The following UVRAG variants were observed in gnomAD, a reference collection of about 807,000 sequenced individuals.
The protein encoded by UVRAG is UV radiation resistance associated, also known as UV radiation resistance-associated gene protein.
Under a neutral mutation model 78.0 loss-of-function variants are expected in UVRAG, and 19 were observed. The observed-to-expected ratio is 0.24, with a 90% confidence interval of 0.17 to 0.36. UVRAG has a LOEUF of 0.36. Ranked by LOEUF, UVRAG falls within the 10% of genes least tolerant of loss-of-function variation. The pLI, the probability that UVRAG is intolerant of heterozygous loss-of-function variation, is 1.00. For missense variants in UVRAG, 740 were observed against 853.8 expected, an observed-to-expected ratio of 0.87 and a Z score of 1.66; for synonymous variants, 323 against 324.6, an observed-to-expected ratio of 1.00 and a Z score of 0.05.
At chr11:76,026,126 T>C (rs1950322589) in intron 12 of UVRAG, among the ~76,000 whole-genome samples, 1 of 152,158 alleles carries the variant, frequency 6.6e-6, no homozygotes, top group South Asian at 2.1e-4. Context: ...GATGGCCTCT[T>C]CTTGAAACAA....
At chr11:76,001,642 A>T (rs1949816907) in intron 8 of UVRAG, among the ~76,000 whole-genome samples, 1 of 152,200 alleles carries the variant, frequency 6.6e-6, no homozygotes, top group Admixed American at 6.5e-5. Flanking sequence ...AGAAATTAAG[A>T]TTATAATGTA....
At chr11:76,053,209 G>A (rs1950902248) in intron 12 of UVRAG, among the ~76,000 whole-genome samples, 1 of 151,684 alleles carries the variant, frequency 6.6e-6, no homozygotes, top group South Asian at 2.1e-4. Flanking sequence ...AGGAGGCTGA[G>A]GCAGGAGAAT....
At chr11:76,100,634 G>T (rs1951863122) in intron 13 of UVRAG, among the ~76,000 whole-genome samples, 1 of 152,056 alleles carries the variant, frequency 6.6e-6, no homozygotes, top group Non-Finnish European at 1.5e-5. Flanking sequence ...AACGTTTAGG[G>T]GTACATGTGC....
chr11:75,974,193 C>T (rs1027811908), intron 7 of UVRAG, among the ~76,000 whole-genome samples: 16 of 152,130 alleles, frequency 1.1e-4, no homozygotes, highest in Non-Finnish European at 1.8e-4. Flanking sequence ...GTTCCTATTT[C>T]TCCACGTCCT....
chr11:75,991,237 C>G (rs1188358230), intron 8 of UVRAG, among the ~76,000 whole-genome samples: 1 of 152,212 alleles, frequency 6.6e-6, no homozygotes, highest in Non-Finnish European at 1.5e-5. Context: ...AAGATTTCAT[C>G]TTCTGTGAAA....
rs137891055 is a variant in UVRAG at position 76,084,329 on chromosome 11, G to A, written c.1305+18541G>A. The stretch of plus-strand genomic sequence containing the variant: ...CTTTCTTATTTATTTCTATAAAGGC[G>A]GTATTAATATCTGAATTTAAGAGTC... On this transcript the variant is annotated intron_variant, in intron 13 of 14. Transcript: ENST00000356136. Among the ~76,000 whole-genome samples, 634 of 152,116 alleles carry A rather than the reference G, an allele frequency of 4.2e-3. 2 individuals are homozygous for A. The highest frequency in any genetic ancestry group is 7.7e-3 in the Admixed American group (118 of 15,288).
intron 6 of UVRAG, among the ~76,000 whole-genome samples, chr11:75,934,519 A>T (rs1948322895): frequency 6.6e-6 from 1 of 152,218 alleles, no homozygotes; most frequent in African/African-American, 2.4e-5. Context: ...GATTGTTTAT[A>T]ACACAAAGGA....
intron 12 of UVRAG, among the ~76,000 whole-genome samples, chr11:76,026,909 A>C (rs1950335453): frequency 6.6e-6 from 1 of 152,094 alleles, no homozygotes. Context: ...AACTTTCCCA[A>C]ATGTCTGTAG....
intron 6 of UVRAG, among the ~76,000 whole-genome samples, chr11:75,936,494 G>T (rs1054811283): frequency 5.9e-5 from 9 of 152,148 alleles, no homozygotes; most frequent in Non-Finnish European, 1.0e-4. Context: ...GTAGACACAT[G>T]GATTCCTGTT....
intron 12 of UVRAG, among the ~76,000 whole-genome samples, chr11:76,051,726 C>T (rs548923776): frequency 6.6e-6 from 1 of 152,176 alleles, no homozygotes; most frequent in African/African-American, 2.4e-5. Context: ...ATGATTTCTC[C>T]TTTAAAAACT....
rs1590990117 is a variant in UVRAG, at chr11:75,897,605, A to G, written c.507+8702A>G. ...AGTGGCATGATCTCGGCTCACTGCA[A>G]CCTCTGCCTCCCAGGTTCAATCGGT... On this transcript the variant is annotated intron_variant, in intron 5 of 14. Coordinates refer to ENST00000356136, the MANE Select transcript of UVRAG (RefSeq NM_003369.4). Among the ~76,000 whole-genome samples the G allele has an allele frequency of 3.3e-5, 5 of 151,870 alleles. No homozygotes were observed. The South Asian group carries it at 1.0e-3, about 32-fold the overall frequency.
chr11:75,979,512 C>A lies in UVRAG; in HGVS notation c.700-3875C>A, dbSNP rs1033231903. The A allele has an allele frequency of 2.6e-5, 4 of 152,624 alleles. No individual in the cohort carries two copies. The East Asian group carries it at 7.7e-4, about 29-fold the overall frequency. 9.5% of individuals were successfully genotyped at this position (152,624 alleles called of 1,614,324 possible). The stretch of plus-strand genomic sequence containing the variant: ...GAGGCAGGCAGGCCTCCTTGAGCTG[C>A]GGTGGGCTCCACCCAGTTCGAGCTT... On this transcript the variant is annotated intron_variant, in intron 7 of 14. Transcript: ENST00000356136.
intron 13 of UVRAG, among the ~76,000 whole-genome samples, chr11:76,085,086 A>G (rs1239660630): frequency 6.6e-6 from 1 of 150,994 alleles, no homozygotes; most frequent in East Asian, 1.9e-4. Flanking sequence ...AAAAAAAAAA[A>G]AAATCTAATT....
intron 12 of UVRAG, among the ~76,000 whole-genome samples, chr11:76,036,096 T>C (rs1211113645): frequency 6.6e-6 from 1 of 152,198 alleles, no homozygotes; most frequent in Non-Finnish European, 1.5e-5. Context: ...AGTTTCAGGA[T>C]CAACTTAAAA....
chr11:75,943,935 A>G (rs1378230950), intron 6 of UVRAG, among the ~76,000 whole-genome samples: 3 of 152,152 alleles, frequency 2.0e-5, no homozygotes, highest in Non-Finnish European at 4.4e-5. Context: ...TAATAAATCC[A>G]TCAACGAGTA....
intron 13 of UVRAG, among the ~76,000 whole-genome samples, chr11:76,087,909 CTG>C (rs1234988027): frequency 6.6e-6 from 1 of 152,188 alleles, no homozygotes. Flanking sequence ...AGATCTCACT[CTG>C]TTGCTCAGAC....
At chr11:75,913,589 T>C (rs17134447) in intron 6 of UVRAG, among the ~76,000 whole-genome samples, 15,943 of 152,262 alleles carry the variant, frequency 0.1, 1,604 homozygotes, top group African/African-American at 0.27. Flanking sequence ...AAGTCCTTCA[T>C]GCATCAGGGA....
chr11:76,013,131 T>C (rs1950085222), intron 11 of UVRAG: 1 of 152,126 alleles, frequency 6.6e-6, no homozygotes, highest in Non-Finnish European at 1.5e-5. Context: ...CTTATTGTAC[T>C]TGGATGCGTT....
At chr11:76,105,719 G>C (rs749291476) in intron 13 of UVRAG, among the ~76,000 whole-genome samples, 1 of 152,158 alleles carries the variant, frequency 6.6e-6, no homozygotes, top group African/African-American at 2.4e-5. Context: ...CTGCACTCCA[G>C]CCTGAGTGAT....
Sources: allele counts gnomAD v4.1 joint callset (sites outside exome capture counted in the v4.1 genomes callset), GRCh38; gene constraint gnomAD v4.1.1; transcripts MANE v1.5; gene names NCBI Gene and HGNC (gene_info 2026-07-23, HGNC 2026-07-21).